The following ERBB4 variants were observed in gnomAD, a reference collection of about 807,000 sequenced individuals.
ERBB4 encodes erb-b2 receptor tyrosine kinase 4.
In ERBB4, 42 loss-of-function variants were observed where a neutral mutation model predicts 158.0. That is an observed-to-expected ratio of 0.27 (90% CI 0.21 to 0.34). The LOEUF is 0.34. Among genes scored for constraint, ERBB4 ranks in the 10% least tolerant of loss-of-function variants. The pLI is 1.00. For missense variants in ERBB4, 1,333 were observed against 1,624.1 expected, an observed-to-expected ratio of 0.82 and a Z score of 3.08; for synonymous variants, 583 against 558.7, an observed-to-expected ratio of 1.04 and a Z score of -0.61.
At chr2:212,391,342 T>A (rs974215460) in intron 1 of ERBB4, among the ~76,000 whole-genome samples, 1 of 151,592 alleles carries the variant, frequency 6.6e-6, no homozygotes, top group Admixed American at 6.6e-5. Flanking sequence ...AAGGTAAGAT[T>A]TATTTTGGTC....
At chr2:211,876,802 T>G (rs919909342) in intron 3 of ERBB4, among the ~76,000 whole-genome samples, 1 of 152,200 alleles carries the variant, frequency 6.6e-6, no homozygotes, top group South Asian at 2.1e-4. Context: ...CGATCCACTT[T>G]CCTTCATATA....
intron 2 of ERBB4, among the ~76,000 whole-genome samples, chr2:212,114,582 C>T (rs928455942): frequency 6.6e-6 from 1 of 152,154 alleles, no homozygotes; most frequent in Non-Finnish European, 1.5e-5. Context: ...TCCATATTTG[C>T]TTGTACTTTC....
intron 16 of ERBB4, among the ~76,000 whole-genome samples, chr2:211,652,982 AT>A (rs2071056621): frequency 6.6e-6 from 1 of 152,178 alleles, no homozygotes; most frequent in African/African-American, 2.4e-5. Context: ...ACAAAAAAAA[AT>A]CTTTGGATAT....
chr2:211,611,163 T>C (rs565857680), intron 19 of ERBB4, among the ~76,000 whole-genome samples: 1 of 152,204 alleles, frequency 6.6e-6, no homozygotes, highest in East Asian at 1.9e-4. Flanking sequence ...GACTTTCCCC[T>C]AAGCCAAAAT....
intron 1 of ERBB4, among the ~76,000 whole-genome samples, chr2:212,499,245 T>C (rs1690749214): frequency 6.6e-6 from 1 of 152,018 alleles, no homozygotes; most frequent in African/African-American, 2.4e-5. Flanking sequence ...TGGTGAGACT[T>C]ACTATGCATT....
chr2:211,915,723 G>A (rs2079670498), intron 3 of ERBB4, among the ~76,000 whole-genome samples: 2 of 151,718 alleles, frequency 1.3e-5, no homozygotes, highest in Admixed American at 1.3e-4. Flanking sequence ...CAGTACACCT[G>A]GGAGTGACCC....
intron 1 of ERBB4, among the ~76,000 whole-genome samples, chr2:212,427,254 T>C (rs1046876360): frequency 4.6e-5 from 7 of 152,266 alleles, no homozygotes; most frequent in Admixed American, 4.6e-4. Flanking sequence ...GTCCATGTGT[T>C]TAAAACAGGC....
chr2:211,418,084 ATT>A (rs56391296), intron 25 of ERBB4, among the ~76,000 whole-genome samples: 50,527 of 147,114 alleles, frequency 0.34, 8,669 homozygotes, highest in South Asian at 0.57. Context: ...AAAATGCATT[ATT>A]TTTTTTTTTT....
intron 19 of ERBB4, among the ~76,000 whole-genome samples, chr2:211,568,375 T>C (rs1176742915): frequency 2.0e-5 from 3 of 152,166 alleles, no homozygotes; most frequent in Admixed American, 1.3e-4. Flanking sequence ...TATTTCAGCC[T>C]GAAGGGAAGA....
chr2:211,551,928 A>G (rs929751998), intron 20 of ERBB4, among the ~76,000 whole-genome samples: 4 of 152,234 alleles, frequency 2.6e-5, no homozygotes, highest in Non-Finnish European at 5.9e-5. Flanking sequence ...CGTGTAACAT[A>G]TTCAAGCCTT....
chr2:212,101,909 G>C (rs1488732957), intron 2 of ERBB4, among the ~76,000 whole-genome samples: 2 of 151,428 alleles, frequency 1.3e-5, no homozygotes, highest in East Asian at 2.0e-4. Context: ...TTTGCTTGGG[G>C]GGGTACATTT....
At chr2:211,632,992 C>T (rs1407961517) in intron 16 of ERBB4, among the ~76,000 whole-genome samples, 1 of 151,992 alleles carries the variant, frequency 6.6e-6, no homozygotes, top group African/African-American at 2.4e-5. Context: ...CTGCCTATTC[C>T]CACAGAATTT....
chr2:212,359,258 A>T (rs2089589542), intron 1 of ERBB4, among the ~76,000 whole-genome samples: 1 of 151,526 alleles, frequency 6.6e-6, no homozygotes, highest in Non-Finnish European at 1.5e-5. Context: ...TACATATTTT[A>T]AAAACTTGTA....
At chr2:212,445,169 C>T (rs1209636304) in intron 1 of ERBB4, among the ~76,000 whole-genome samples, 3 of 152,020 alleles carry the variant, frequency 2.0e-5, no homozygotes, top group African/African-American at 7.2e-5. Flanking sequence ...GTCACAATTA[C>T]AATGCTAACT....
At chr2:211,815,413 C>G (rs1291204039) in intron 3 of ERBB4, among the ~76,000 whole-genome samples, 2 of 152,156 alleles carry the variant, frequency 1.3e-5, no homozygotes, top group East Asian at 3.9e-4. Flanking sequence ...TCAAAAAATT[C>G]AGCAGTTCAC....
At chr2:211,480,589 C>T (rs1361351424) in intron 20 of ERBB4, among the ~76,000 whole-genome samples, 1 of 152,094 alleles carries the variant, frequency 6.6e-6, no homozygotes. Flanking sequence ...TCAATTGAAC[C>T]TCTTTTCTTT....
chr2:211,711,413 A>C (rs1283506795), intron 9 of ERBB4, among the ~76,000 whole-genome samples: 9 of 152,180 alleles, frequency 5.9e-5, no homozygotes, highest in Non-Finnish European at 2.9e-5. Flanking sequence ...CTGACATTCA[A>C]AGAATACAAA....
Position 211,488,067 on chromosome 2 carries a change from A to AT in ERBB4, c.2488-56968dup, listed in dbSNP as rs144689609. ...CAGAGTGCTTCCCTGGAAGAACCAC[A>AT]TTTTTTTTTTTGTTCTTCTAAAATA... is the stretch of plus-strand genomic sequence containing the variant. On this transcript the variant is annotated intron_variant, in intron 20 of 27. Coordinates refer to ENST00000342788, the MANE Select transcript of ERBB4 (RefSeq NM_005235.3). Among the ~76,000 whole-genome samples the AT allele has an allele frequency of 1.5e-3, 220 of 147,826 alleles. 2 individuals are homozygous for AT. Among genetic ancestry groups the AT allele is most frequent in the Middle Eastern group, 3.5e-3 (1 of 282 alleles).
At chr2:212,337,539 T>C (rs1392663691) in intron 1 of ERBB4, among the ~76,000 whole-genome samples, 2 of 152,100 alleles carry the variant, frequency 1.3e-5, no homozygotes, top group African/African-American at 4.8e-5. Context: ...GATTACACTT[T>C]AATGTGAATA....
Sources: gnomAD v4.1 joint callset for allele counts (sites outside exome capture counted in the v4.1 genomes callset) on GRCh38, gnomAD v4.1.1 for gene constraint, MANE v1.5 for transcripts, NCBI Gene and HGNC (gene_info 2026-07-23, HGNC 2026-07-21) for gene names.